ITSN1: variants seen among roughly 807,000 people sequenced by gnomAD.
The protein encoded by ITSN1 is intersectin-1.
ITSN1 carries 58 observed loss-of-function variants against 239.8 expected under a neutral mutation model. That is an observed-to-expected ratio of 0.24 (90% CI 0.20 to 0.30). The LOEUF (loss-of-function observed/expected upper bound fraction) is 0.30. ITSN1 is among the 10% of genes least tolerant of loss of function. The probability of loss-of-function intolerance (pLI) is 1.00; values close to 1 mark genes in which losing one functional copy is unlikely to be tolerated. For synonymous variants in ITSN1, 780 were observed against 770.8 expected, an observed-to-expected ratio of 1.01 and a Z score of -0.20; for missense variants, 1,558 against 2,103.3, an observed-to-expected ratio of 0.74 and a Z score of 5.07.
chr21:33,662,536 G>A (rs2089639469), intron 1 of ITSN1, among the ~76,000 whole-genome samples: 1 of 152,084 alleles, frequency 6.6e-6, no homozygotes, highest in Non-Finnish European at 1.5e-5. Flanking sequence ...TTATAGTTAG[G>A]TCTAGCCCAG....
chr21:33,811,164 G>A lies in ITSN1; in HGVS notation c.2509G>A (p.Ala837Thr), dbSNP rs908244701. ...CTTGCGTGAGACCCCCGCCCCTTTG[G>A]CAGTAACCTCTTCAGAGCCCTCCAC... ...LALRETPAPL[A>T]VTSSEPSTTP... Residue 837 changes from alanine to threonine, a missense_variant, in exon 21 of 40, where the codon GCA (alanine) becomes ACA (threonine). By Grantham distance (58) the Ala-to-Thr change is moderately conservative. Coordinates refer to ENST00000381318, the MANE Select transcript of ITSN1 (RefSeq NM_003024.3). 1.9e-6 allele frequency: 3 copies of A among 1,610,778 alleles called. No homozygotes were observed. The highest frequency in any genetic ancestry group is 1.4e-5 in the African/African-American group (1 of 73,716).
chr21:33,688,092 T>G (rs1362195139), intron 1 of ITSN1, among the ~76,000 whole-genome samples: 1 of 152,214 alleles, frequency 6.6e-6, no homozygotes, highest in East Asian at 1.9e-4. Context: ...CTTTTTTTTT[T>G]TTCTTGAAAA....
At chr21:33,794,508 T>C in intron 17 of ITSN1, 40 bp downstream of exon 17, 1 of 1,576,214 alleles carries the variant, frequency 6.3e-7, no homozygotes, top group African/African-American at 1.4e-5. Flanking sequence ...TGGAAGGAAC[T>C]TTGAGGATTT....
rs556537929 is a variant in ITSN1 at position 33,782,320 on chromosome 21, GGCCCCAGCAT to G, written c.1824+189_1824+198del. Among the ~76,000 whole-genome samples, 816 of 152,274 alleles carry G rather than the reference GGCCCCAGCAT, an allele frequency of 5.4e-3. 8 individuals carry two copies. The highest frequency in any genetic ancestry group is 0.019 in the African/African-American group (772 of 41,560). ...ATCTATAAATTAGGGCTGAATGAGTGGCCCCAGCATGACATCTATTTTTAACCTGAATCAT... is the reference window on the plus strand; with the variant it reads ...ATCTATAAATTAGGGCTGAATGAGTGGACATCTATTTTTAACCTGAATCAT... On this transcript the variant is annotated intron_variant, in intron 16 of 39. Transcript: ENST00000381318.
chr21:33,678,375 A>G (rs1037707868), intron 1 of ITSN1, among the ~76,000 whole-genome samples: 1 of 152,124 alleles, frequency 6.6e-6, no homozygotes, highest in African/African-American at 2.4e-5. Flanking sequence ...GATCTTCTTT[A>G]TTTGTTTACT....
At chr21:33,821,649 C>A (rs2073683679) in intron 24 of ITSN1, among the ~76,000 whole-genome samples, 1 of 152,134 alleles carries the variant, frequency 6.6e-6, no homozygotes, top group South Asian at 2.1e-4. Flanking sequence ...GCAAGGCAGG[C>A]AGGGCAAGGC....
intron 5 of ITSN1, among the ~76,000 whole-genome samples, chr21:33,740,212 G>A (rs1156865877): frequency 1.1e-4 from 16 of 152,174 alleles, no homozygotes; most frequent in Non-Finnish European, 1.5e-5. Context: ...GAGTTGGGAT[G>A]TTAAGGAGAC....
chr21:33,801,778 G>A lies in ITSN1; in HGVS notation c.2305-652G>A, dbSNP rs77535504. 5.3e-3 allele frequency among the ~76,000 whole-genome samples: 806 copies of A among 152,280 alleles called. 6 individuals are homozygous for A. The highest frequency in any genetic ancestry group is 0.018 in the African/African-American group (747 of 41,546). ...ACACAGTTATTGACTGAAACATGCTGGGTGCCAGCCTTACTCATCCTTTAC... is the reference window on the plus strand; with the variant it reads ...ACACAGTTATTGACTGAAACATGCTAGGTGCCAGCCTTACTCATCCTTTAC... On this transcript the variant is annotated intron_variant, in intron 19 of 39. Coordinates refer to ENST00000381318, the MANE Select transcript of ITSN1 (RefSeq NM_003024.3).
At chr21:33,767,948 CT>C in intron 11 of ITSN1, 120 bp downstream of exon 11, 1 of 559,456 alleles carries the variant, frequency 1.8e-6, no homozygotes, top group Non-Finnish European at 3.2e-6. Flanking sequence ...TGCCTTGTAA[CT>C]TAACTGACCT....
intron 4 of ITSN1, among the ~76,000 whole-genome samples, chr21:33,725,567 G>A (rs917267957): frequency 2.0e-5 from 3 of 152,100 alleles, no homozygotes; most frequent in South Asian, 2.1e-4. Context: ...GCCTTCTAGC[G>A]TGGGTGACAG....
rs114065869 is a variant in ITSN1, at chr21:33,731,905, T to C, written c.186-3139T>C. On this transcript the variant is annotated intron_variant, in intron 4 of 39. Transcript: ENST00000381318. The stretch of plus-strand genomic sequence containing the variant: ...GGCCTGTGACACAGCCCTCAGGAGA[T>C]CCTGAGACCATTTGCCCAAGGTGGT... Among the ~76,000 whole-genome samples, 1,132 of 152,240 alleles carry C rather than the reference T, an allele frequency of 7.4e-3. 10 individuals are homozygous for C. The highest frequency in any genetic ancestry group is 0.026 in the African/African-American group (1,072 of 41,534).
chr21:33,668,303 T>A (rs1051554218), intron 1 of ITSN1, among the ~76,000 whole-genome samples: 8 of 152,240 alleles, frequency 5.3e-5, no homozygotes, highest in Admixed American at 3.9e-4. Flanking sequence ...AAACGCAATT[T>A]GTCAACCTCC....
rs1293814714 is a variant in ITSN1 at position 33,882,360 on chromosome 21, C to T, written c.4459C>T (p.Leu1487Phe). The part of the protein sequence containing the change: ...ELYGFLFNDF[L>F]LLTQITKPLG... ...GTATGGCTTCCTTTTCAACGACTTC[C>T]TCCTGCTGACTCAGATCACGAAGCC... is the stretch of plus-strand genomic sequence containing the variant. Residue 1487 changes from leucine (L) to phenylalanine (F), a missense_variant, in exon 35 of 40, where the codon CTC becomes TTC. This residue lies in a region of ITSN1 where 576 missense variants were observed against 893.3 expected (regional missense o/e 0.64). Transcript: ENST00000381318. This position sits in a 1 kb window ranked among gnomAD's most constrained non-coding sequence, Gnocchi z 4.5. 1 of 1,614,228 alleles carries T rather than the reference C, an allele frequency of 6.2e-7. No homozygotes were observed. Among genetic ancestry groups the T allele is most frequent in the South Asian group, 1.1e-5 (1 of 91,090 alleles).
chr21:33,666,841 C>T (rs80266123), intron 1 of ITSN1, among the ~76,000 whole-genome samples: 4,119 of 152,150 alleles, frequency 0.027, 65 homozygotes, highest in Non-Finnish European at 0.037. Flanking sequence ...TTTGCTCTGT[C>T]CCCAGCCTGC....
intron 1 of ITSN1, among the ~76,000 whole-genome samples, chr21:33,678,247 A>G (rs559128139): frequency 1.3e-5 from 2 of 152,178 alleles, no homozygotes; most frequent in South Asian, 4.1e-4. Context: ...ATGTCTTCTC[A>G]GAGAGACTTT....
At chr21:33,837,708 C>T (rs41275634) in intron 29 of ITSN1, 72,698 of 985,642 alleles carry the variant, frequency 0.074, 2,849 homozygotes, top group Non-Finnish European at 0.078. Flanking sequence ...TTACCTTGTA[C>T]GATGCTCTAA....
At chr21:33,845,772 G>A (rs890761342) in intron 29 of ITSN1, among the ~76,000 whole-genome samples, 3 of 152,220 alleles carry the variant, frequency 2.0e-5, no homozygotes, top group Non-Finnish European at 2.9e-5. Context: ...GACCCGTCAC[G>A]AAAGTCCAGG....
At chr21:33,883,771 C>G (rs1454535192) in intron 36 of ITSN1, 100 bp downstream of exon 36, 2 of 1,407,538 alleles carry the variant, frequency 1.4e-6, no homozygotes, top group African/African-American at 1.4e-5. Flanking sequence ...TCCCAAGTGG[C>G]AATGCCATCA....
At chr21:33,737,225 A>C (rs2066556707) in intron 5 of ITSN1, among the ~76,000 whole-genome samples, 1 of 152,142 alleles carries the variant, frequency 6.6e-6, no homozygotes, top group South Asian at 2.1e-4. Flanking sequence ...GGAGGTTGTG[A>C]CCTTACTGCT....
Sources: gnomAD v4.1 joint callset for allele counts (sites outside exome capture counted in the v4.1 genomes callset) on GRCh38, gnomAD v4.1.1 for gene constraint, gnomAD v4.1.1 regional missense constraint, Gnocchi (gnomAD v3.1) non-coding constraint, MANE v1.5 for transcripts, NCBI Gene and HGNC (gene_info 2026-07-23, HGNC 2026-07-21) for gene names.